Variants in EXD3 observed in about 807,000 individuals in gnomAD.
EXD3 encodes the protein exonuclease 3'-5' domain containing 3.
Under a neutral mutation model 98.0 loss-of-function variants are expected in EXD3, and 92 were observed. The observed-to-expected ratio is 0.94, with a 90% CI of 0.79 to 1.12. The LOEUF (loss-of-function observed/expected upper bound fraction) is 1.12, where lower values mean the gene tolerates loss of function less well. EXD3 is among the 50% of genes most tolerant of loss of function. The pLI is 0.00. For missense variants in EXD3, 1,222 were observed against 1,191.6 expected, an observed-to-expected ratio of 1.03 and a Z score of -0.38; for synonymous variants, 569 against 526.0, an observed-to-expected ratio of 1.08 and a Z score of -1.12.
At chr9:137,374,865 T>C in intron 3 of EXD3, 3 of 985,478 alleles carry the variant, frequency 3.0e-6, no homozygotes, top group Non-Finnish European at 3.6e-6. Context: ...GTCCTAGCCC[T>C]AGTGAGTTCT....
At chr9:137,321,685 C>A (rs1460356924) in intron 19 of EXD3, among the ~76,000 whole-genome samples, 1 of 152,040 alleles carries the variant, frequency 6.6e-6, no homozygotes. Context: ...TCCGTCCCAC[C>A]CCCAAAAAAC....
chr9:137,385,357 T>C lies in EXD3; in HGVS notation c.56-1980A>G, dbSNP rs899018330. ...ACGTGGCCATGGCAGGCAGTGTGAC[T>C]GGCCCCGCATTCTGGGTGCTGCATG... On this transcript the variant is annotated intron_variant, in intron 2 of 21. Coordinates refer to ENST00000340951, the MANE Select transcript of EXD3 (RefSeq NM_017820.5). This position sits in a 1 kb window ranked among gnomAD's most constrained non-coding sequence, Gnocchi z 4.4. Among the ~76,000 whole-genome samples the C allele has an allele frequency of 6.4e-5, 9 of 141,316 alleles. No individual in the cohort carries two copies. The highest frequency in any genetic ancestry group is 2.5e-4 in the East Asian group (1 of 4,024). The allele number at this position is 141,316 out of a possible 152,430, so 92.7% of individuals were successfully genotyped here.
chr9:137,407,698 G>A lies in EXD3; in HGVS notation c.-47-12294C>T, dbSNP rs2131814300. 6.6e-6 allele frequency among the ~76,000 whole-genome samples: 1 copy of A among 152,308 alleles called. No homozygotes were observed. The highest frequency in any genetic ancestry group is 1.9e-4 in the East Asian group (1 of 5,170). Reference sequence around the variant, plus strand: ...ATCCAAGCATAAACCCCAACGCAGCGGCTCCTGGCCTGGTTCTGAAGACGG... The same window carrying A: ...ATCCAAGCATAAACCCCAACGCAGCAGCTCCTGGCCTGGTTCTGAAGACGG... On this transcript the variant is annotated intron_variant, in intron 1 of 21. Transcript: ENST00000340951. This position sits in a 1 kb window ranked among gnomAD's most constrained non-coding sequence, Gnocchi z 4.4.
chr9:137,398,931 CAT>C (rs1263251473), intron 1 of EXD3, among the ~76,000 whole-genome samples: 4 of 152,044 alleles, frequency 2.6e-5, no homozygotes, highest in African/African-American at 7.3e-5. Context: ...CTCCGTGACA[CAT>C]GTGCACCCGC....
chr9:137,390,232 C>T (rs1366304630), intron 2 of EXD3, among the ~76,000 whole-genome samples: 2 of 149,746 alleles, frequency 1.3e-5, no homozygotes, highest in African/African-American at 2.5e-5. Flanking sequence ...AGATCGAGAC[C>T]ATCCTGGCTA....
intron 17 of EXD3, among the ~76,000 whole-genome samples, chr9:137,333,433 CCTGG>C (rs1833197243): frequency 6.6e-6 from 1 of 152,136 alleles, no homozygotes; most frequent in Non-Finnish European, 1.5e-5. Context: ...TCTAGAGAAC[CCTGG>C]CTGACACTAT....
intron 2 of EXD3, among the ~76,000 whole-genome samples, chr9:137,390,302 G>C (rs1440832648): frequency 1.3e-5 from 2 of 150,194 alleles, no homozygotes; most frequent in Non-Finnish European, 3.0e-5. Context: ...AGTGGCGGCG[G>C]GCACCTGTAG....
intron 17 of EXD3, among the ~76,000 whole-genome samples, chr9:137,331,563 C>G (rs1215037521): frequency 6.6e-6 from 1 of 152,190 alleles, no homozygotes; most frequent in East Asian, 1.9e-4. Context: ...TCGGTGAAGT[C>G]TCAGGTTACA....
intron 3 of EXD3, among the ~76,000 whole-genome samples, chr9:137,379,184 TG>T (rs36166378): frequency 1.7e-3 from 26 of 15,578 alleles, no homozygotes; most frequent in East Asian, 5.8e-3. Flanking sequence ...CCGAGGGGAA[TG>T]GGGGCGTCTG....
rs1831076270 is a variant in EXD3 at position 137,307,013 on chromosome 9, C to T, written c.2568G>A (p.Leu856=). 1 of 1,611,842 alleles carries T rather than the reference C, an allele frequency of 6.2e-7. No individual in the cohort carries two copies. Residue 856 remains leucine, a synonymous_variant, in exon 22 of 22, where the codon CTG becomes CTA. Coordinates refer to ENST00000340951, the MANE Select transcript of EXD3 (RefSeq NM_017820.5). The part of the protein sequence containing the change: ...GRVATHFRDM[L]ESAPSPCEPS... ...GCTCGCAGGGGCTGGGGGCGCTCTC[C>T]AGCATGTCTCGGAAGTGGGTGGCAA...
At chr9:137,384,062 A>G (rs1327409301) in intron 2 of EXD3, among the ~76,000 whole-genome samples, 1 of 152,226 alleles carries the variant, frequency 6.6e-6, no homozygotes, top group African/African-American at 2.4e-5. Context: ...AGGGAGGGGC[A>G]GGTGCCAGCA....
chr9:137,361,790 A>G (rs2119277268), intron 7 of EXD3, among the ~76,000 whole-genome samples: 1 of 151,568 alleles, frequency 6.6e-6, no homozygotes, highest in East Asian at 2.0e-4. Context: ...AGAAGAGGAA[A>G]TATGAGGCCA....
Position 137,373,421 on chromosome 9 carries a change from C to G in EXD3, c.294+5G>C, listed in dbSNP as rs1484818503. ...AGGTGACTGTCACAGAACCCATGGG[C>G]TCACCTGGGCCAGGCTCGGGCATGG... On this transcript the variant is annotated splice_donor_5th_base_variant and intron_variant, in intron 4 of 21. Transcript: ENST00000340951. 2 of 1,605,070 alleles carry G rather than the reference C, an allele frequency of 1.2e-6. No homozygotes were observed. Among genetic ancestry groups the G allele is most frequent in the Non-Finnish European group, 1.7e-6 (2 of 1,179,136 alleles).
intron 17 of EXD3, among the ~76,000 whole-genome samples, chr9:137,339,206 C>G (rs1397420339): frequency 1.3e-5 from 2 of 152,040 alleles, no homozygotes; most frequent in Non-Finnish European, 2.9e-5. Flanking sequence ...GCCAGGAAGC[C>G]TCACAGGAAG....
intron 1 of EXD3, among the ~76,000 whole-genome samples, chr9:137,406,290 G>C (rs1413367975): frequency 6.7e-6 from 1 of 149,142 alleles, no homozygotes; most frequent in Non-Finnish European, 1.5e-5. Context: ...CAAGGAAAAA[G>C]GAAAAAAAAA....
intron 20 of EXD3, among the ~76,000 whole-genome samples, chr9:137,307,976 G>A (rs1422325032): frequency 6.9e-6 from 1 of 145,758 alleles, no homozygotes. Flanking sequence ...CCCATTTGTG[G>A]TGATGAGCAG....
At chr9:137,320,100 G>A (rs925350180) in intron 19 of EXD3, among the ~76,000 whole-genome samples, 2 of 152,178 alleles carry the variant, frequency 1.3e-5, no homozygotes, top group African/African-American at 4.8e-5. Context: ...CAGGGGGAAC[G>A]CTTGGTTCTG....
chr9:137,391,876 C>T (rs1283275863), intron 2 of EXD3: 5 of 152,352 alleles, frequency 3.3e-5, no homozygotes, highest in Admixed American at 2.6e-4. Context: ...AGTGCAATGA[C>T]ACAACCTCGG....
intron 2 of EXD3, chr9:137,392,704 G>C (rs970362899): frequency 1.1e-5 from 4 of 355,362 alleles, no homozygotes; most frequent in Non-Finnish European, 2.2e-5. Flanking sequence ...GTCTGTTCTG[G>C]GGGGGCTGTG....
Sources: gnomAD v4.1 joint callset for allele counts (sites outside exome capture counted in the v4.1 genomes callset) on GRCh38, gnomAD v4.1.1 for gene constraint, Gnocchi (gnomAD v3.1) non-coding constraint, MANE v1.5 for transcripts, NCBI Gene and HGNC (gene_info 2026-07-23, HGNC 2026-07-21) for gene names.